P2RY12: variants seen among roughly 807,000 people sequenced by gnomAD.
P2RY12 encodes P2Y purinoceptor 12.
P2RY12 carries 3 observed loss-of-function variants against 4.5 expected under a neutral mutation model. The observed-to-expected ratio is 0.67, with a 90% CI of 0.31 to 1.74. The LOEUF is 1.74. Among genes scored for constraint, P2RY12 ranks in the 40% most tolerant of loss-of-function variants. The pLI, the probability that P2RY12 is intolerant of heterozygous loss-of-function variation, is 0.09. For missense variants in P2RY12, 356 were observed against 407.8 expected (o/e 0.87, Z 1.09); for synonymous variants, 148 against 154.1 (o/e 0.96, Z 0.29).
chr3:151,365,168 A>G (rs758735982), intron 1 of P2RY12: 3 of 1,614,016 alleles, frequency 1.9e-6, no homozygotes, highest in Non-Finnish European at 2.5e-6. Context: ...TCTGCAATAC[A>G]CTCATGAATG....
intron 1 of P2RY12, among the ~76,000 whole-genome samples, chr3:151,381,064 G>C (rs776863490): frequency 6.6e-5 from 10 of 152,192 alleles, no homozygotes; most frequent in Non-Finnish European, 1.2e-4. Flanking sequence ...TGAGGCTCTT[G>C]CATCTATGTA....
chr3:151,338,683 T>C lies in P2RY12; in HGVS notation c.163A>G (p.Ser55Gly), dbSNP rs768905411. The C allele has an allele frequency of 6.2e-7, 1 of 1,613,706 alleles. No homozygotes were observed. Among genetic ancestry groups the C allele is most frequent in the South Asian group, 1.1e-5 (1 of 91,058 alleles). ...AGAAAAATAATAAAGTTTGATTTAC[T>C]CCGGATTTGAAAGAAAATCCTCATC... ...LAMRIFFQIR[S>G]KSNFIIFLKN... Residue 55 changes from serine to glycine, a missense_variant, in exon 3 of 3, where the codon AGT (serine) becomes GGT (glycine). Transcript: ENST00000302632.
chr3:151,362,666 A>G (rs965406970), intron 1 of P2RY12, among the ~76,000 whole-genome samples: 1 of 151,928 alleles, frequency 6.6e-6, no homozygotes, highest in South Asian at 2.1e-4. Context: ...TATTTTTTTC[A>G]CTGCTACATC....
intron 1 of P2RY12, chr3:151,364,924 T>G: frequency 8.1e-7 from 1 of 1,237,310 alleles, no homozygotes; most frequent in Non-Finnish European, 1.2e-6. Flanking sequence ...TGAAATAGTT[T>G]TCTAGTTATT....
intron 1 of P2RY12, chr3:151,367,717 C>A: frequency 5.0e-6 from 8 of 1,610,308 alleles, no homozygotes; most frequent in Non-Finnish European, 6.8e-6. Flanking sequence ...AGTGTTTTTC[C>A]CTGGAGGACG....
chr3:151,358,703 A>T (rs1754240962), intron 1 of P2RY12, among the ~76,000 whole-genome samples: 1 of 152,098 alleles, frequency 6.6e-6, no homozygotes, highest in Non-Finnish European at 1.5e-5. Context: ...TTTTTACCTT[A>T]TATTAGTAAG....
chr3:151,353,156 A>T (rs1285261001), intron 1 of P2RY12, among the ~76,000 whole-genome samples: 3 of 152,312 alleles, frequency 2.0e-5, no homozygotes, highest in African/African-American at 7.2e-5. Context: ...GGGAGTTTTT[A>T]GTAGGATCTA....
At chr3:151,362,405 A>C (rs1447802537) in intron 1 of P2RY12, among the ~76,000 whole-genome samples, 2 of 151,698 alleles carry the variant, frequency 1.3e-5, no homozygotes, top group African/African-American at 4.8e-5. Context: ...CTGATCAAAC[A>C]CTCTAAGAAC....
chr3:151,367,773 C>G (rs773861713), intron 1 of P2RY12: 29 of 1,599,282 alleles, frequency 1.8e-5, no homozygotes, highest in Non-Finnish European at 2.2e-5. Context: ...GCAGGTAAGG[C>G]AGCATCCATG....
chr3:151,339,939 CA>C (rs1436729333), intron 2 of P2RY12, among the ~76,000 whole-genome samples: 1 of 151,816 alleles, frequency 6.6e-6, no homozygotes, highest in Non-Finnish European at 1.5e-5. Flanking sequence ...ATTGAAAGTA[CA>C]AATAACAAAT....
At chr3:151,369,557 T>C in intron 1 of P2RY12, 1 of 1,559,452 alleles carries the variant, frequency 6.4e-7, no homozygotes, top group Non-Finnish European at 8.8e-7. Flanking sequence ...TTGGTAAGAT[T>C]ATTCTGACCC....
intron 2 of P2RY12, 30 bp from the exon 3 acceptor site, chr3:151,338,889 T>C (rs1751413104): frequency 6.3e-7 from 1 of 1,593,144 alleles, no homozygotes; most frequent in East Asian, 2.2e-5. Flanking sequence ...ATGGTTATTT[T>C]CAGCCTAAGG....
At chr3:151,376,076 C>G in intron 1 of P2RY12, 1 of 1,608,044 alleles carries the variant, frequency 6.2e-7, no homozygotes, top group Non-Finnish European at 8.5e-7. Context: ...TATGTACAGA[C>G]AAAGAACTTA....
chr3:151,356,054 A>G (rs769007071), intron 1 of P2RY12: 3 of 1,598,332 alleles, frequency 1.9e-6, no homozygotes, highest in Non-Finnish European at 2.6e-6. Context: ...CAAAGAGACC[A>G]TGTTTCTCTT....
rs1282339844 is a variant in P2RY12 at position 151,347,149 on chromosome 3, A to C, written c.-179-6389T>G. ...ACCACTAAAACTTAGTTCACCCTAC[A>C]AACTTTTTTACTCTAGCTTTGTCTC... is the stretch of plus-strand genomic sequence containing the variant. On this transcript the variant is annotated intron_variant, in intron 1 of 2. Coordinates refer to ENST00000302632, the MANE Select transcript of P2RY12 (RefSeq NM_022788.5). Among the ~76,000 whole-genome samples the C allele has an allele frequency of 4.0e-5, 5 of 124,338 alleles. No individual in the cohort carries two copies. The East Asian group carries it at 1.0e-3, about 26-fold the overall frequency. The allele number at this position is 124,338 out of a possible 152,430, so 81.6% of individuals were successfully genotyped here.
intron 1 of P2RY12, among the ~76,000 whole-genome samples, chr3:151,354,365 A>G (rs547088963): frequency 2.0e-5 from 3 of 152,256 alleles, no homozygotes; most frequent in East Asian, 3.9e-4. Context: ...ATTTTCTTCA[A>G]ACCTCTTTAT....
chr3:151,368,595 A>AT (rs1392019802), intron 1 of P2RY12, among the ~76,000 whole-genome samples: 29 of 51,322 alleles, frequency 5.7e-4, no homozygotes, highest in Non-Finnish European at 9.3e-4. Flanking sequence ...GATTTATTTT[A>AT]TTTTATTTTA....
chr3:151,345,875 T>C (rs537011413), intron 1 of P2RY12, among the ~76,000 whole-genome samples: 5 of 152,154 alleles, frequency 3.3e-5, no homozygotes, highest in African/African-American at 4.8e-5. Context: ...TCTTGAAAAA[T>C]AGTAGCTTCT....
At chr3:151,353,392 T>C (rs1316932081) in intron 1 of P2RY12, among the ~76,000 whole-genome samples, 1 of 152,224 alleles carries the variant, frequency 6.6e-6, no homozygotes, top group Non-Finnish European at 1.5e-5. Flanking sequence ...ATTTGTACTT[T>C]TGAGAATAGA....
Sources: gnomAD v4.1 joint callset for allele counts (sites outside exome capture counted in the v4.1 genomes callset) on GRCh38, gnomAD v4.1.1 for gene constraint, MANE v1.5 for transcripts, NCBI Gene and HGNC (gene_info 2026-07-23, HGNC 2026-07-21) for gene names.